The following MAP4K5 variants were observed in gnomAD, a reference collection of about 807,000 sequenced individuals.
The protein encoded by MAP4K5 is MAPK/ERK kinase kinase kinase 5.
Under a neutral mutation model 135.6 loss-of-function variants are expected in MAP4K5, and 82 were observed. The observed-to-expected ratio is 0.60, with a 90% CI of 0.51 to 0.73. MAP4K5 has a LOEUF of 0.73. Ranked by LOEUF, MAP4K5 falls within the 30% of genes least tolerant of loss-of-function variation. The pLI, the probability that MAP4K5 is intolerant of heterozygous loss-of-function variation, is 0.00. For missense variants in MAP4K5, 907 were observed against 1,010.9 expected, an observed-to-expected ratio of 0.90 and a Z score of 1.39; for synonymous variants, 347 against 335.0, an observed-to-expected ratio of 1.04 and a Z score of -0.39.
At chr14:50,482,072 T>C (rs1306846840) in intron 6 of MAP4K5, among the ~76,000 whole-genome samples, 5 of 152,226 alleles carry the variant, frequency 3.3e-5, no homozygotes, top group African/African-American at 1.2e-4. Context: ...TAAAGGAGAA[T>C]ACCTCACATG....
chr14:50,519,394 C>A lies in MAP4K5; in HGVS notation c.108+12548G>T, dbSNP rs1039583944. Among the ~76,000 whole-genome samples the A allele has an allele frequency of 2.6e-5, 4 of 152,192 alleles. No individual in the cohort carries two copies. In the South Asian group the frequency reaches 6.2e-4, roughly 24 times the overall value. ...GTATCACCAGGTACAGTGGCTCATG[C>A]CTGTAATCCCAGCACTTCGGGAGGT... On this transcript the variant is annotated intron_variant, in intron 2 of 32. Coordinates refer to ENST00000682126, the MANE Select transcript of MAP4K5 (RefSeq NM_006575.6).
intron 2 of MAP4K5, among the ~76,000 whole-genome samples, chr14:50,514,578 C>A (rs975584328): frequency 6.6e-6 from 1 of 152,094 alleles, no homozygotes; most frequent in Non-Finnish European, 1.5e-5. Flanking sequence ...ATAGATGACA[C>A]AAGTCAACAT....
chr14:50,500,021 A>T (rs2037674459), intron 3 of MAP4K5, among the ~76,000 whole-genome samples: 1 of 152,158 alleles, frequency 6.6e-6, no homozygotes, highest in Admixed American at 6.5e-5. Context: ...GTAGAGGGAG[A>T]AGAACGTGTG....
intron 11 of MAP4K5, among the ~76,000 whole-genome samples, chr14:50,465,608 T>G (rs1353219310): frequency 3.3e-5 from 5 of 152,210 alleles, no homozygotes; most frequent in African/African-American, 1.2e-4. Context: ...ACCCTTTTCA[T>G]ATCACCTTCC....
intron 10 of MAP4K5, among the ~76,000 whole-genome samples, chr14:50,467,593 A>G (rs938325710): frequency 4.6e-5 from 7 of 151,994 alleles, no homozygotes; most frequent in African/African-American, 1.7e-4. Flanking sequence ...CAACTACTAC[A>G]TATTTAGATT....
chr14:50,485,851 GTAAGT>G (rs2037352073), intron 4 of MAP4K5: 2 of 542,420 alleles, frequency 3.7e-6, no homozygotes, highest in Admixed American at 3.8e-5. Context: ...GATCAGTTTT[GTAAGT>G]TAAAACACTT....
chr14:50,468,571 A>G (rs2036884414), intron 10 of MAP4K5, 80 bp downstream of exon 10: 1 of 1,388,810 alleles, frequency 7.2e-7, no homozygotes, highest in Admixed American at 2.0e-5. Flanking sequence ...CTTAAAAATG[A>G]GCTTGATGCT....
chr14:50,560,440 C>T (rs1475830031), intron 1 of MAP4K5: 1 of 1,150,852 alleles, frequency 8.7e-7, no homozygotes, highest in African/African-American at 1.5e-5. Flanking sequence ...CGAGCCGCTC[C>T]CTGTTTGGGC....
At chr14:50,506,150 AC>A (rs1436673381) in intron 2 of MAP4K5, among the ~76,000 whole-genome samples, 1 of 152,218 alleles carries the variant, frequency 6.6e-6, no homozygotes, top group Non-Finnish European at 1.5e-5. Flanking sequence ...GTATAGTTAT[AC>A]TAATCTGCCA....
chr14:50,500,402 C>T (rs1476763054), intron 3 of MAP4K5, among the ~76,000 whole-genome samples: 3 of 152,056 alleles, frequency 2.0e-5, no homozygotes, highest in Non-Finnish European at 4.4e-5. Context: ...AAAACAGTTA[C>T]CTCAGGCAAA....
At chr14:50,517,860 G>C (rs533981212) in intron 2 of MAP4K5, among the ~76,000 whole-genome samples, 1 of 152,268 alleles carries the variant, frequency 6.6e-6, no homozygotes, top group Non-Finnish European at 1.5e-5. Context: ...AGTAAAGAAA[G>C]TGCTTCATTT....
In MAP4K5 at chr14:50,447,879, A is replaced by T. The variant is rs1398127193; in HGVS notation, c.1075-398T>A. The stretch of plus-strand genomic sequence containing the variant: ...ACTACTTTTCCCTCTTAGCATGGAA[A>T]CTGGGGTTTTATCATACAGCAACAT... On this transcript the variant is annotated intron_variant, in intron 15 of 32. Coordinates refer to ENST00000682126, the MANE Select transcript of MAP4K5 (RefSeq NM_006575.6). Among the ~76,000 whole-genome samples, 3 of 110,584 alleles carry T rather than the reference A, an allele frequency of 2.7e-5. No individual in the cohort carries two copies. The East Asian group carries it at 8.1e-4, about 30-fold the overall frequency. 72.5% of individuals were successfully genotyped at this position (110,584 alleles called of 152,430 possible).
At chr14:50,482,919 CTG>C (rs1020336727) in intron 5 of MAP4K5, 1 of 152,754 alleles carries the variant, frequency 6.5e-6, no homozygotes, top group Non-Finnish European at 1.5e-5. Flanking sequence ...AAAGGTAACA[CTG>C]AGAATTTTTT....
chr14:50,528,808 T>A (rs182969663), intron 2 of MAP4K5, among the ~76,000 whole-genome samples: 1 of 152,200 alleles, frequency 6.6e-6, no homozygotes, highest in Non-Finnish European at 1.5e-5. Context: ...ATATCCTACA[T>A]TGAAAATACT....
chr14:50,528,141 T>C (rs2140115313), intron 2 of MAP4K5, among the ~76,000 whole-genome samples: 1 of 152,240 alleles, frequency 6.6e-6, no homozygotes, highest in Non-Finnish European at 1.5e-5. Context: ...TCCTTTTCTC[T>C]TCTGTGTTTC....
chr14:50,464,277 A>G, intron 11 of MAP4K5, 144 bp from the exon 12 acceptor site: 1 of 554,796 alleles, frequency 1.8e-6, no homozygotes, highest in Non-Finnish European at 3.2e-6. Context: ...TATTCCGTGG[A>G]AACATCTGTG....
chr14:50,484,091 C>A (rs1470044992), intron 5 of MAP4K5, among the ~76,000 whole-genome samples: 1 of 152,010 alleles, frequency 6.6e-6, no homozygotes, highest in Non-Finnish European at 1.5e-5. Flanking sequence ...AAACTCCCGA[C>A]CTTGGCCTCC....
At chr14:50,550,533 A>C (rs1326309563) in intron 1 of MAP4K5, among the ~76,000 whole-genome samples, 1 of 152,172 alleles carries the variant, frequency 6.6e-6, no homozygotes, top group Non-Finnish European at 1.5e-5. Flanking sequence ...GCCTGACAGA[A>C]CTGGAGTGAC....
intron 3 of MAP4K5, among the ~76,000 whole-genome samples, chr14:50,489,132 T>C (rs973541819): frequency 6.6e-6 from 1 of 152,192 alleles, no homozygotes; most frequent in Admixed American, 6.5e-5. Context: ...GAACTTAGGC[T>C]TGTAGGTTCC....
Sources: allele counts gnomAD v4.1 joint callset (sites outside exome capture counted in the v4.1 genomes callset), GRCh38; gene constraint gnomAD v4.1.1; transcripts MANE v1.5; gene names NCBI Gene and HGNC (gene_info 2026-07-23, HGNC 2026-07-21).